GOLIM4: variants seen among roughly 807,000 people sequenced by gnomAD.
GOLIM4 encodes 130 kDa golgi-localized phosphoprotein.
A neutral mutation model predicts 107.4 loss-of-function variants in GOLIM4; 71 were observed. The observed-to-expected ratio is 0.66, with a 90% CI of 0.55 to 0.81. The LOEUF (loss-of-function observed/expected upper bound fraction) is 0.81. Among genes scored for constraint, GOLIM4 ranks in the 30% least tolerant of loss-of-function variants. GOLIM4 has a pLI of 0.00. For synonymous variants in GOLIM4, 327 were observed against 294.8 expected, an observed-to-expected ratio of 1.11 and a Z score of -1.12; for missense variants, 830 against 826.1, an observed-to-expected ratio of 1.00 and a Z score of -0.06.
chr3:168,037,606 GAT>G (rs1465654519), intron 7 of GOLIM4, among the ~76,000 whole-genome samples: 1 of 152,116 alleles, frequency 6.6e-6, no homozygotes, highest in Non-Finnish European at 1.5e-5. Flanking sequence ...GCACAGCTGT[GAT>G]ATAGACTGGA....
At chr3:168,023,597 T>A (rs1427200759) in intron 14 of GOLIM4, among the ~76,000 whole-genome samples, 1 of 152,236 alleles carries the variant, frequency 6.6e-6, no homozygotes, top group East Asian at 1.9e-4. Flanking sequence ...GTCTGCCATA[T>A]GTCCATCCTC....
At chr3:168,045,206 C>A (rs1719229289) in intron 3 of GOLIM4, among the ~76,000 whole-genome samples, 1 of 152,084 alleles carries the variant, frequency 6.6e-6, no homozygotes, top group Non-Finnish European at 1.5e-5. Context: ...TGTCCTGAGA[C>A]ACAGAGTCAC....
Position 168,024,997 on chromosome 3 carries a change from T to G in GOLIM4, c.1722A>C (p.Pro574=). Residue 574 remains proline, a synonymous_variant, in exon 13 of 16, where the codon CCA becomes CCC. Coordinates refer to ENST00000470487, the MANE Select transcript of GOLIM4 (RefSeq NM_014498.5). ...TTTGTTTTTGCTCTTCATTTTCATC[T>G]GGCAAATTTTCTTCTCTCACTTGCT... ...EAEQVREENL[P]DENEEQKQSN... is the part of the protein sequence containing the mutation. 6.2e-7 allele frequency: 1 copy of G among 1,614,008 alleles called. No individual in the cohort carries two copies. Among genetic ancestry groups the G allele is most frequent in the Non-Finnish European group, 8.5e-7 (1 of 1,179,852 alleles).
intron 1 of GOLIM4, among the ~76,000 whole-genome samples, chr3:168,091,708 A>G (rs190489655): frequency 6.6e-6 from 1 of 152,316 alleles, no homozygotes; most frequent in African/African-American, 2.4e-5. Context: ...CTATATGCCA[A>G]GTATGTGCTA....
intron 10 of GOLIM4, 149 bp from the exon 11 acceptor site, chr3:168,029,451 T>C (rs73174980): frequency 0.059 from 31,372 of 528,450 alleles, 1,125 homozygotes; most frequent in African/African-American, 0.091. Context: ...CTCTTATGTA[T>C]GCAATTAGGT....
chr3:168,039,715 C>A (rs1016941108), intron 7 of GOLIM4, among the ~76,000 whole-genome samples: 10 of 152,118 alleles, frequency 6.6e-5, no homozygotes, highest in Non-Finnish European at 1.2e-4. Context: ...CGTTACAGCA[C>A]ACAGAGCACT....
At position 168,029,321 on chromosome 3, in the gene GOLIM4, T is replaced by C. The variant is rs748738388; in HGVS notation, c.1434-19A>G. The C allele has an allele frequency of 2.6e-5, 40 of 1,538,682 alleles. No individual in the cohort carries two copies. The highest frequency in any genetic ancestry group is 3.0e-5 in the Non-Finnish European group (34 of 1,117,092). ...TTGCTGCCTACAAGAGACACAAACATGATAAATCCAGTGGGACAAAATTCA... is the reference window on the plus strand; with the variant it reads ...TTGCTGCCTACAAGAGACACAAACACGATAAATCCAGTGGGACAAAATTCA... On this transcript the variant is annotated intron_variant, in intron 10 of 15. Transcript: ENST00000470487.
chr3:168,010,692 C>A (rs546205407), intron 15 of GOLIM4, 51 bp downstream of exon 15: 4 of 1,288,762 alleles, frequency 3.1e-6, no homozygotes, highest in Non-Finnish European at 4.5e-6. Flanking sequence ...TATACACATG[C>A]ACACCCACAA....
chr3:168,036,861 T>C lies in GOLIM4; in HGVS notation c.818A>G (p.Glu273Gly). 1 of 1,613,326 alleles carries C rather than the reference T, an allele frequency of 6.2e-7. No individual in the cohort carries two copies. Among genetic ancestry groups the C allele is most frequent in the Non-Finnish European group, 8.5e-7 (1 of 1,179,482 alleles). The change falls in exon 8 of 16, where the codon GAG (glutamate) becomes GGG (glycine). Residue 273 changes from glutamate (E) to glycine (G), a missense_variant. Physicochemically the swap from Glu to Gly is moderately conservative, Grantham distance 98 (BLOSUM62 -2). Transcript: ENST00000470487. ...CTCCTGCACCTCTCGGGTTGGCTTC[T>C]CCCTTGCTGTGTTGTAACCTTGTGG... Reference protein sequence around the residue: ...HSPQGYNTAREKPTREVQEVS... With the variant: ...HSPQGYNTARGKPTREVQEVS...
At chr3:168,021,917 CT>C (rs1717711567) in intron 14 of GOLIM4, among the ~76,000 whole-genome samples, 3 of 152,118 alleles carry the variant, frequency 2.0e-5, no homozygotes, top group African/African-American at 4.8e-5. Flanking sequence ...TTACACGGCA[CT>C]TTTTGGCAAT....
intron 1 of GOLIM4, among the ~76,000 whole-genome samples, chr3:168,062,297 A>G (rs1720315839): frequency 6.6e-6 from 1 of 152,124 alleles, no homozygotes. Flanking sequence ...ATCTTGTCCT[A>G]AGCCTCAGAT....
At position 168,015,354 on chromosome 3, in the gene GOLIM4, A is replaced by G. The variant is rs926039176; in HGVS notation, c.1861-4531T>C. 1.0e-4 allele frequency among the ~76,000 whole-genome samples: 15 copies of G among 148,720 alleles called. 2 individuals are homozygous for G. Among genetic ancestry groups the G allele is most frequent in the African/African-American group, 3.9e-4 (15 of 38,476 alleles). On this transcript the variant is annotated intron_variant, in intron 14 of 15. Transcript: ENST00000470487. ...ACAAGGGATGTGAAGGACCTCTTCA[A>G]GGAGAACTACAAACCACTGCTCAAG...
At chr3:168,041,248 T>A (rs1274041020) in intron 6 of GOLIM4, 144 bp downstream of exon 6, 1 of 572,698 alleles carries the variant, frequency 1.7e-6, no homozygotes, top group African/African-American at 1.9e-5. Flanking sequence ...GTGGTAAAAA[T>A]ATTAGGTACA....
At chr3:168,041,073 T>G (rs1718971371) in intron 6 of GOLIM4, 1 of 504,858 alleles carries the variant, frequency 2.0e-6, no homozygotes, top group Non-Finnish European at 3.5e-6. Context: ...CCAAATATCA[T>G]AATCATTTAT....
chr3:168,051,792 C>CGAG (rs1553800361), intron 1 of GOLIM4, among the ~76,000 whole-genome samples: 1 of 151,972 alleles, frequency 6.6e-6, no homozygotes, highest in Non-Finnish European at 1.5e-5. Flanking sequence ...AGAATATCAC[C>CGAG]GAGGAGGAGG....
intron 1 of GOLIM4, among the ~76,000 whole-genome samples, chr3:168,062,477 A>G (rs1224881617): frequency 1.3e-5 from 2 of 152,134 alleles, no homozygotes; most frequent in African/African-American, 4.8e-5. Flanking sequence ...ATTCCTAAGA[A>G]TAAATTCCTA....
At chr3:168,038,545 T>A (rs1718789294) in intron 7 of GOLIM4, among the ~76,000 whole-genome samples, 1 of 152,230 alleles carries the variant, frequency 6.6e-6, no homozygotes, top group Non-Finnish European at 1.5e-5. Flanking sequence ...GTCATTGATT[T>A]TGGGCCAGCT....
intron 1 of GOLIM4, among the ~76,000 whole-genome samples, chr3:168,067,396 G>A (rs915795213): frequency 6.6e-6 from 1 of 151,488 alleles, no homozygotes; most frequent in Non-Finnish European, 1.5e-5. Context: ...AAAAAATAGA[G>A]AGGTTATTAG....
intron 7 of GOLIM4, among the ~76,000 whole-genome samples, chr3:168,037,613 A>G (rs1718736221): frequency 6.6e-6 from 1 of 152,084 alleles, no homozygotes; most frequent in Non-Finnish European, 1.5e-5. Flanking sequence ...TGTGATATAG[A>G]CTGGATTTTT....
Sources: gnomAD v4.1 joint callset for allele counts (sites outside exome capture counted in the v4.1 genomes callset) on GRCh38, gnomAD v4.1.1 for gene constraint, MANE v1.5 for transcripts, NCBI Gene and HGNC (gene_info 2026-07-23, HGNC 2026-07-21) for gene names.